The following GRAMD1B variants were observed in gnomAD, a reference collection of about 807,000 sequenced individuals.
GRAMD1B encodes the protein protein Aster-B.
In GRAMD1B, 37 loss-of-function variants were observed where a neutral mutation model predicts 99.7. That is an observed-to-expected ratio of 0.37 (90% CI 0.29 to 0.49). The LOEUF (loss-of-function observed/expected upper bound fraction) is 0.49. GRAMD1B is among the 20% of genes least tolerant of loss of function. GRAMD1B has a pLI of 0.98. For missense variants in GRAMD1B, 888 were observed against 1,009.2 expected (o/e 0.88, Z 1.63); for synonymous variants, 427 against 387.6 (o/e 1.10, Z -1.19).
intron 1 of GRAMD1B, among the ~76,000 whole-genome samples, chr11:123,396,683 A>C (rs949838357): frequency 6.6e-6 from 1 of 152,180 alleles, no homozygotes; most frequent in Non-Finnish European, 1.5e-5. Context: ...AGAACTGCCT[A>C]TTCTTGACCT....
chr11:123,573,251 T>G (rs1592073649), intron 2 of GRAMD1B, among the ~76,000 whole-genome samples: 1 of 151,918 alleles, frequency 6.6e-6, no homozygotes. Context: ...GTAGGCTGAG[T>G]GAGATAATTG....
chr11:123,566,005 CGT>C (rs754365748), intron 2 of GRAMD1B, among the ~76,000 whole-genome samples: 44 of 152,146 alleles, frequency 2.9e-4, no homozygotes, highest in Non-Finnish European at 6.2e-4. Flanking sequence ...ACTCTCATCC[CGT>C]GTCTTTGCCA....
intron 2 of GRAMD1B, among the ~76,000 whole-genome samples, chr11:123,571,003 G>T (rs945167007): frequency 6.6e-6 from 1 of 152,172 alleles, no homozygotes; most frequent in Non-Finnish European, 1.5e-5. Flanking sequence ...CTGGGAATGC[G>T]CCAGGGCTGG....
intron 1 of GRAMD1B, among the ~76,000 whole-genome samples, chr11:123,403,518 T>C (rs73023763): frequency 0.14 from 20,944 of 150,192 alleles, 2,134 homozygotes; most frequent in African/African-American, 0.29. Context: ...TAGGCTTTTT[T>C]TGTTTTTTGT....
chr11:123,388,986 T>G lies in GRAMD1B; in HGVS notation c.-176+30187T>G, dbSNP rs186686708. On this transcript the variant is annotated intron_variant, in intron 1 of 20. Coordinates refer to the GRAMD1B transcript ENST00000638157. ...TCAATGATGAGTCACATTGATATTA[T>G]AATAGTACATACTCCTGAGACGATG... 1.6e-3 allele frequency among the ~76,000 whole-genome samples: 244 copies of G among 152,324 alleles called. 1 individual carries two copies. Among genetic ancestry groups the G allele is most frequent in the African/African-American group, 5.4e-3 (224 of 41,560 alleles).
At chr11:123,435,355 T>C in intron 1 of GRAMD1B, 1 of 693,538 alleles carries the variant, frequency 1.4e-6, no homozygotes. Context: ...CTTGTGGATT[T>C]CTTTTAATTT....
chr11:123,551,241 G>A lies in GRAMD1B; in HGVS notation c.453-26126G>A, dbSNP rs566763462. The stretch of plus-strand genomic sequence containing the variant: ...ATGCGGTCTGTCCTCAGGGAGGGGC[G>A]TTTTTTTGGGCGAGGCTGCTTCCTT... On this transcript the variant is annotated intron_variant, in intron 2 of 19. Coordinates refer to ENST00000635736, the MANE Select transcript of GRAMD1B (RefSeq NM_001387025.1). Among the ~76,000 whole-genome samples, 88 of 152,264 alleles carry A rather than the reference G, an allele frequency of 5.8e-4. 1 individual carries two copies. Among genetic ancestry groups the A allele is most frequent in the Admixed American group, 2.9e-3 (44 of 15,292 alleles).
intron 2 of GRAMD1B, among the ~76,000 whole-genome samples, chr11:123,545,520 G>C (rs1397756575): frequency 6.6e-6 from 1 of 152,136 alleles, no homozygotes; most frequent in Admixed American, 6.5e-5. Flanking sequence ...CAGGTATCCT[G>C]GAGCCAGGCC....
At chr11:123,551,886 G>A (rs1484693213) in intron 2 of GRAMD1B, among the ~76,000 whole-genome samples, 2 of 152,018 alleles carry the variant, frequency 1.3e-5, no homozygotes, top group South Asian at 2.1e-4. Flanking sequence ...TCAATTTTTC[G>A]CTTTCATTTC....
intron 1 of GRAMD1B, among the ~76,000 whole-genome samples, chr11:123,432,800 A>G (rs1367695035): frequency 6.6e-6 from 1 of 152,124 alleles, no homozygotes; most frequent in African/African-American, 2.4e-5. Flanking sequence ...AGGATGAGCC[A>G]TGTGTCTTTG....
chr11:123,468,097 C>T (rs548229432), intron 1 of GRAMD1B, among the ~76,000 whole-genome samples: 19 of 152,122 alleles, frequency 1.2e-4, no homozygotes, highest in Admixed American at 5.2e-4. Flanking sequence ...CTCTTGACCT[C>T]GTGATCCACC....
At position 123,613,575 on chromosome 11, in the gene GRAMD1B, G is replaced by A. The variant is rs762523319; in HGVS notation, c.2144G>A (p.Arg715Gln). ...RRRKRPHAHL[R>Q]VPHLEEVMSP... Reference sequence around the variant, plus strand: ...AGGAAGCGTCCCCATGCCCACCTGCGAGTCCCTCACCTGGAAGAGGTGATG... The same window carrying A: ...AGGAAGCGTCCCCATGCCCACCTGCAAGTCCCTCACCTGGAAGAGGTGATG... The change falls in exon 16 of 20, where the codon CGA becomes CAA. Residue 715 changes from arginine (R) to glutamine (Q), a missense_variant. By Grantham distance (43) the Arg-to-Gln change is conservative. Around this residue, in one of 5 missense-constraint regions of GRAMD1B, gnomAD observed 232 missense variants for 261.7 expected, o/e 0.89. Transcript: ENST00000635736. The A allele has an allele frequency of 8.1e-6, 13 of 1,613,812 alleles. No individual in the cohort carries two copies. The highest frequency in any genetic ancestry group is 1.1e-5 in the Non-Finnish European group (13 of 1,179,820).
Position 123,361,010 on chromosome 11 carries a change from G to A in GRAMD1B, c.-176+2211G>A, listed in dbSNP as rs190550415. 6.9e-3 allele frequency among the ~76,000 whole-genome samples: 1,047 copies of A among 152,192 alleles called. 8 individuals are homozygous for A. Among genetic ancestry groups the A allele is most frequent in the South Asian group, 0.013 (62 of 4,820 alleles). On this transcript the variant is annotated intron_variant, in intron 1 of 20. Transcript: ENST00000638157. ...TTTTTGTATTTTTACTAGAGATGGG[G>A]TTTCACCATGTTGGCCAGGCTGGTC...
At chr11:123,552,019 C>T (rs761982864) in intron 2 of GRAMD1B, among the ~76,000 whole-genome samples, 1 of 152,068 alleles carries the variant, frequency 6.6e-6, no homozygotes, top group Non-Finnish European at 1.5e-5. Context: ...TTTTTTTCCT[C>T]CCCAGGAATC....
intron 1 of GRAMD1B, among the ~76,000 whole-genome samples, chr11:123,475,590 A>G (rs1389928685): frequency 1.3e-5 from 2 of 152,218 alleles, no homozygotes; most frequent in Admixed American, 6.5e-5. Flanking sequence ...TGCTTATACA[A>G]ATTCCCTTCC....
intron 2 of GRAMD1B, among the ~76,000 whole-genome samples, chr11:123,518,503 G>GA (rs2135401064): frequency 6.6e-6 from 1 of 152,274 alleles, no homozygotes; most frequent in Non-Finnish European, 1.5e-5. Flanking sequence ...GCCTGGCTAA[G>GA]GAGTTTCCTT....
intron 1 of GRAMD1B, chr11:123,435,637 T>TA (rs1217510829): frequency 1.9e-6 from 1 of 539,956 alleles, no homozygotes; most frequent in Non-Finnish European, 3.3e-6. Context: ...CCTGACCTCT[T>TA]ACAGTGATCT....
At chr11:123,538,266 G>T (rs774438276) in intron 2 of GRAMD1B, among the ~76,000 whole-genome samples, 11 of 151,984 alleles carry the variant, frequency 7.2e-5, no homozygotes, top group Non-Finnish European at 1.5e-4. Flanking sequence ...TTCTGTCTTT[G>T]CAGTGTCTCC....
intron 4 of GRAMD1B, among the ~76,000 whole-genome samples, chr11:123,585,105 C>G (rs1199662846): frequency 6.6e-6 from 1 of 152,348 alleles, no homozygotes; most frequent in African/African-American, 2.4e-5. Flanking sequence ...CCCTCTTTGC[C>G]TCTCTGAGCC....
Sources: gnomAD v4.1 joint callset for allele counts (sites outside exome capture counted in the v4.1 genomes callset) on GRCh38, gnomAD v4.1.1 for gene constraint, gnomAD v4.1.1 regional missense constraint, MANE v1.5 for transcripts, NCBI Gene and HGNC (gene_info 2026-07-23, HGNC 2026-07-21) for gene names.